The following SLC25A26 variants were observed in gnomAD, a reference collection of about 807,000 sequenced individuals.
SLC25A26 encodes the protein solute carrier family 25 member 26, also known as mitochondrial S-adenosylmethionine carrier protein.
Under a neutral mutation model 37.8 loss-of-function variants are expected in SLC25A26, and 36 were observed. That is an observed-to-expected ratio of 0.95 (90% CI 0.73 to 1.26). The LOEUF (loss-of-function observed/expected upper bound fraction) is 1.26, where lower values mean the gene tolerates loss of function less well. Ranked by LOEUF, SLC25A26 falls within the 50% of genes most tolerant of loss-of-function variation. SLC25A26 has a pLI of 0.00. For synonymous variants in SLC25A26, 129 were observed against 122.5 expected (o/e 1.05, Z -0.35); for missense variants, 390 against 331.1 (o/e 1.18, Z -1.38).
At chr3:66,364,432 G>C (rs577680022) in intron 7 of SLC25A26, among the ~76,000 whole-genome samples, 3 of 152,262 alleles carry the variant, frequency 2.0e-5, no homozygotes, top group African/African-American at 7.2e-5. Context: ...TGATGCTGGG[G>C]TATGGAGAAA....
At chr3:66,201,926 A>C (rs1340658771) in intron 1 of SLC25A26, among the ~76,000 whole-genome samples, 3 of 152,352 alleles carry the variant, frequency 2.0e-5, no homozygotes, top group African/African-American at 7.2e-5. Flanking sequence ...ATAGGACAAA[A>C]GAGTGAAAGC....
chr3:66,260,517 T>C (rs1185062278), intron 3 of SLC25A26, among the ~76,000 whole-genome samples: 1 of 152,226 alleles, frequency 6.6e-6, no homozygotes, highest in Non-Finnish European at 1.5e-5. Flanking sequence ...TTTGTTAACA[T>C]AACCATACCC....
At chr3:66,224,536 A>G (rs978243189) in intron 1 of SLC25A26, among the ~76,000 whole-genome samples, 1 of 152,200 alleles carries the variant, frequency 6.6e-6, no homozygotes, top group African/African-American at 2.4e-5. Context: ...AACACATTGG[A>G]ATTATGAGAG....
intron 1 of SLC25A26, among the ~76,000 whole-genome samples, chr3:66,215,002 G>A (rs2106844879): frequency 1.3e-5 from 2 of 152,190 alleles, no homozygotes; most frequent in East Asian, 3.9e-4. Flanking sequence ...GCAGGTGCCT[G>A]TAATCCCAGC....
At chr3:66,347,074 A>G (rs1379950652) in intron 6 of SLC25A26, among the ~76,000 whole-genome samples, 3 of 152,202 alleles carry the variant, frequency 2.0e-5, no homozygotes, top group Non-Finnish European at 4.4e-5. Flanking sequence ...CAAATATTTC[A>G]TGACGAAAAC....
chr3:66,363,641 AG>A (rs1312837549), intron 7 of SLC25A26, among the ~76,000 whole-genome samples: 1 of 152,260 alleles, frequency 6.6e-6, no homozygotes, highest in African/African-American at 2.4e-5. Flanking sequence ...TTAGAATTAT[AG>A]TTGAAATACA....
intron 5 of SLC25A26, among the ~76,000 whole-genome samples, chr3:66,332,080 C>G (rs375674950): frequency 2.0e-5 from 3 of 151,924 alleles, no homozygotes; most frequent in African/African-American, 4.8e-5. Context: ...TACAGGTGCG[C>G]GACACCAAAA....
intron 5 of SLC25A26, among the ~76,000 whole-genome samples, chr3:66,300,685 C>A (rs1012813569): frequency 1.3e-5 from 2 of 151,604 alleles, no homozygotes; most frequent in Non-Finnish European, 2.9e-5. Context: ...CTTTTTGCTT[C>A]ATGAAAAAAA....
chr3:66,364,508 A>G (rs2076783122), intron 7 of SLC25A26, among the ~76,000 whole-genome samples: 1 of 152,150 alleles, frequency 6.6e-6, no homozygotes, highest in Non-Finnish European at 1.5e-5. Flanking sequence ...AGGATTCTGA[A>G]GTCTCTTTTT....
chr3:66,375,038 TATCC>T (rs1700565953), intron 9 of SLC25A26, among the ~76,000 whole-genome samples: 1 of 152,224 alleles, frequency 6.6e-6, no homozygotes, highest in Non-Finnish European at 1.5e-5. Context: ...TGAAAAGTGC[TATCC>T]AGTGAATACA....
intron 5 of SLC25A26, among the ~76,000 whole-genome samples, chr3:66,287,237 A>G (rs2074544799): frequency 6.6e-6 from 1 of 151,588 alleles, no homozygotes; most frequent in Admixed American, 6.6e-5. Context: ...CGGAGCTTGC[A>G]GTTAGCCCAG....
At chr3:66,162,344 C>CTTTTTT (rs562402223) in intron 1 of SLC25A26, among the ~76,000 whole-genome samples, 2 of 47,354 alleles carry the variant, frequency 4.2e-5, no homozygotes, top group Non-Finnish European at 9.0e-5. Context: ...ATTTTTTTTT[C>CTTTTTT]TTTTTTTTTT....
At chr3:66,308,649 A>G (rs1425933293) in intron 5 of SLC25A26, among the ~76,000 whole-genome samples, 2 of 152,176 alleles carry the variant, frequency 1.3e-5, no homozygotes, top group Admixed American at 6.5e-5. Context: ...TGTCATAACT[A>G]TTCCATAACT....
intron 9 of SLC25A26, among the ~76,000 whole-genome samples, chr3:66,373,327 C>T (rs1700455360): frequency 6.6e-6 from 1 of 152,188 alleles, no homozygotes; most frequent in Non-Finnish European, 1.5e-5. Context: ...GGCTGGGGCC[C>T]TCACTGTACA....
chr3:66,317,746 G>A (rs1005439538), intron 5 of SLC25A26, among the ~76,000 whole-genome samples: 5 of 152,142 alleles, frequency 3.3e-5, no homozygotes, highest in Non-Finnish European at 5.9e-5. Flanking sequence ...TACCACAGCC[G>A]CCCCTCCTCC....
At chr3:66,227,085 C>T (rs937031375) in intron 1 of SLC25A26, among the ~76,000 whole-genome samples, 1 of 152,102 alleles carries the variant, frequency 6.6e-6, no homozygotes, top group African/African-American at 2.4e-5. Context: ...TTTGGATCAA[C>T]TTCTAACATT....
intron 5 of SLC25A26, among the ~76,000 whole-genome samples, chr3:66,283,175 T>G (rs2074402925): frequency 6.6e-6 from 1 of 152,242 alleles, no homozygotes; most frequent in Non-Finnish European, 1.5e-5. Context: ...GTATAAGTTT[T>G]TGTGTGAACA....
At chr3:66,369,137 G>A (rs1167498899) in intron 7 of SLC25A26, among the ~76,000 whole-genome samples, 1 of 150,904 alleles carries the variant, frequency 6.6e-6, no homozygotes, top group African/African-American at 2.4e-5. Flanking sequence ...CATATTGAGA[G>A]TGGGCATCTG....
chr3:66,343,127 G>A (rs1033123045), intron 5 of SLC25A26, among the ~76,000 whole-genome samples: 4 of 152,180 alleles, frequency 2.6e-5, no homozygotes, highest in African/African-American at 7.2e-5. Flanking sequence ...AGCCAGACGC[G>A]GGGAGGGAGC....
Sources: allele counts gnomAD v4.1 joint callset (sites outside exome capture counted in the v4.1 genomes callset), GRCh38; gene constraint gnomAD v4.1.1; transcripts MANE v1.5; gene names NCBI Gene and HGNC (gene_info 2026-07-23, HGNC 2026-07-21).